The following DPRX variants were observed in gnomAD, a reference collection of about 807,000 sequenced individuals.
The protein encoded by DPRX is divergent paired-related homeobox.
In DPRX, 11 loss-of-function variants were observed where a neutral mutation model predicts 8.4. The ratio of observed to expected loss-of-function variants is 1.31; its 90% CI spans 0.82 to 2.17. DPRX has a LOEUF of 2.17. Among genes scored for constraint, DPRX ranks in the 30% most tolerant of loss-of-function variants. The probability of loss-of-function intolerance (pLI) is 0.00; values close to 1 mark genes in which losing one functional copy is unlikely to be tolerated. For synonymous variants in DPRX, 72 were observed against 87.0 expected (o/e 0.83, Z 0.96); for missense variants, 211 against 236.7 (o/e 0.89, Z 0.71).
chr19:53,601,718 G>A, the DPRX span, among the ~76,000 whole-genome samples: 1 of 152,068 alleles, frequency 6.6e-6, no homozygotes, highest in Non-Finnish European at 1.5e-5. Flanking sequence ...CTCGCCTCAA[G>A]TGATCCACCC....
chr19:53,630,830 T>G (rs913819802), upstream of DPRX, among the ~76,000 whole-genome samples: 4 of 151,850 alleles, frequency 2.6e-5, no homozygotes, highest in Non-Finnish European at 5.9e-5. Flanking sequence ...CCTGGGCATC[T>G]GAAAGGTGTT....
At chr19:53,615,591 T>C in the DPRX span, among the ~76,000 whole-genome samples, 8 of 152,172 alleles carry the variant, frequency 5.3e-5, no homozygotes, top group Non-Finnish European at 1.0e-4. Context: ...CAGAGCTGTC[T>C]AATTTTAAAG....
the DPRX span, among the ~76,000 whole-genome samples, chr19:53,612,730 A>G: frequency 5.9e-5 from 9 of 151,836 alleles, no homozygotes; most frequent in Admixed American, 2.0e-4. Flanking sequence ...GAAAAAAAAG[A>G]CCCCCTCTCT....
At chr19:53,636,945 C>A (rs774947764) in exon 3 of DPRX, 12 of 1,612,112 alleles carry the variant, frequency 7.4e-6, no homozygotes, top group Non-Finnish European at 9.3e-6. Flanking sequence ...AGCTTCCATT[C>A]TGGCTCTCCT....
chr19:53,636,907 C>T, exon 3 of DPRX: 1 of 1,613,946 alleles, frequency 6.2e-7, no homozygotes, highest in African/African-American at 1.3e-5. Context: ...GCCTCTACCC[C>T]ATTTTGGAAT....
chr19:53,607,327 G>T, the DPRX span, among the ~76,000 whole-genome samples: 1 of 152,194 alleles, frequency 6.6e-6, no homozygotes, highest in African/African-American at 2.4e-5. Context: ...GGGAGGCTGA[G>T]TCAGGTGGAT....
the DPRX span, among the ~76,000 whole-genome samples, chr19:53,605,916 A>G: frequency 2.0e-5 from 3 of 151,762 alleles, no homozygotes; most frequent in South Asian, 6.3e-4. Flanking sequence ...CAATCCTCCC[A>G]CCTCAGCCTC....
chr19:53,614,465 T>A, the DPRX span, among the ~76,000 whole-genome samples: 2 of 151,916 alleles, frequency 1.3e-5, no homozygotes, highest in Non-Finnish European at 2.9e-5. Context: ...TTCAGAGGCC[T>A]AGGTGGAAGA....
At chr19:53,602,999 A>G in the DPRX span, among the ~76,000 whole-genome samples, 5 of 140,278 alleles carry the variant, frequency 3.6e-5, no homozygotes, top group Non-Finnish European at 7.8e-5. Flanking sequence ...GTGTGTGTAT[A>G]TGTATGTGTG....
chr19:53,605,408 G>A, the DPRX span, among the ~76,000 whole-genome samples: 124 of 143,978 alleles, frequency 8.6e-4, no homozygotes, highest in Non-Finnish European at 1.3e-3. Context: ...ACGGAGTCTC[G>A]CTCTGTCGCT....
chr19:53,633,497 GTATTTATTTATT>G (rs528878817), intron 1 of DPRX, among the ~76,000 whole-genome samples: 1 of 151,722 alleles, frequency 6.6e-6, no homozygotes, highest in African/African-American at 2.4e-5. Context: ...CCTTATTTAC[GTATTTATTTATT>G]TATTTATTTA....
At chr19:53,611,496 G>A in the DPRX span, among the ~76,000 whole-genome samples, 3 of 152,156 alleles carry the variant, frequency 2.0e-5, no homozygotes, top group East Asian at 5.8e-4. Context: ...GCCTCCCAAA[G>A]TTCTGGGATT....
chr19:53,610,989 G>A, the DPRX span, among the ~76,000 whole-genome samples: 2 of 151,436 alleles, frequency 1.3e-5, no homozygotes. Flanking sequence ...TGAAACCTCC[G>A]CCTCCCAGGT....
chr19:53,604,766 C>T, the DPRX span, among the ~76,000 whole-genome samples: 1 of 150,828 alleles, frequency 6.6e-6, no homozygotes, highest in African/African-American at 2.4e-5. Context: ...TCGCGTGGAC[C>T]TGGGAGGCGG....
chr19:53,606,771 T>G, the DPRX span: 1 of 151,216 alleles, frequency 6.6e-6, no homozygotes, highest in Non-Finnish European at 1.5e-5. This position sits in a 1 kb window ranked among gnomAD's most constrained non-coding sequence, Gnocchi z 4.8. Context: ...GAGGGCTTCT[T>G]CTCCTGCAGG....
chr19:53,616,272 A>T, the DPRX span, among the ~76,000 whole-genome samples: 1 of 152,020 alleles, frequency 6.6e-6, no homozygotes, highest in Non-Finnish European at 1.5e-5. Context: ...AAATAAATAA[A>T]AAATAAAATA....
the DPRX span, among the ~76,000 whole-genome samples, chr19:53,610,426 A>G: frequency 6.6e-6 from 1 of 152,230 alleles, no homozygotes; most frequent in South Asian, 2.1e-4. Context: ...CATGTATCAA[A>G]ATATCACGTG....
the DPRX span, among the ~76,000 whole-genome samples, chr19:53,620,365 G>A: frequency 2.7e-5 from 4 of 150,836 alleles, no homozygotes; most frequent in South Asian, 4.2e-4. Context: ...CACCGTACCC[G>A]GCCTATTTTC....
At chr19:53,635,626 C>G (rs2091109098) in intron 2 of DPRX, among the ~76,000 whole-genome samples, 1 of 152,134 alleles carries the variant, frequency 6.6e-6, no homozygotes, top group African/African-American at 2.4e-5. Context: ...AGTGATCCAC[C>G]CACCTCAGCC....
Sources: gnomAD v4.1 joint callset for allele counts (sites outside exome capture counted in the v4.1 genomes callset) on GRCh38, gnomAD v4.1.1 for gene constraint, Gnocchi (gnomAD v3.1) non-coding constraint, MANE v1.5 for transcripts, NCBI Gene and HGNC (gene_info 2026-07-23, HGNC 2026-07-21) for gene names.